The following DMD variants were observed in gnomAD, a reference collection of about 807,000 sequenced individuals.
DMD encodes the protein mutant dystrophin.
In DMD, 63 loss-of-function variants were observed where a neutral mutation model predicts 330.1. The observed-to-expected ratio is 0.19, with a 90% CI of 0.16 to 0.24. DMD has a LOEUF of 0.24. Among genes scored for constraint, DMD ranks in the 10% least tolerant of loss-of-function variants. The probability of loss-of-function intolerance (pLI) is 1.00; values close to 1 mark genes in which losing one functional copy is unlikely to be tolerated. For missense variants in DMD, 3,344 were observed against 2,684.1 expected, an observed-to-expected ratio of 1.25 and a Z score of -5.43; for synonymous variants, 1,223 against 959.8, an observed-to-expected ratio of 1.27 and a Z score of -5.07.
rs997336875 is a variant in DMD, at chrX:31,635,053, G to T, written c.8028-7191C>A. Among the ~76,000 whole-genome samples, 18 of 111,324 alleles carry T rather than the reference G, an allele frequency of 1.6e-4. No homozygotes were observed. The Admixed American group carries it at 1.6e-3, about 10-fold the overall frequency. ...GTTGAAATATAATGTTGGGAGTAAT[G>T]AATTACATTTGGTTTGGTTAATATA... On this transcript the variant is annotated intron_variant, in intron 54 of 78. Transcript: ENST00000357033.
intron 52 of DMD, among the ~76,000 whole-genome samples, chrX:31,709,851 A>C (rs2084501740): frequency 9.0e-6 from 1 of 111,080 alleles, no homozygotes; most frequent in Non-Finnish European, 1.9e-5. Flanking sequence ...CTCTACTTTG[A>C]TATCTCTTTA....
chrX:33,210,427 T>A (rs770071967), intron 1 of DMD, among the ~76,000 whole-genome samples: 1 of 111,424 alleles, frequency 9.0e-6, no homozygotes, highest in South Asian at 3.7e-4. Flanking sequence ...TGTGCCACAG[T>A]CCATTTTTAA....
At chrX:31,481,562 A>T (rs1279171615) in intron 57 of DMD, among the ~76,000 whole-genome samples, 1 of 112,024 alleles carries the variant, frequency 8.9e-6, no homozygotes, top group Non-Finnish European at 1.9e-5. Context: ...TAGGTTGAGT[A>T]GATGAGCAAA....
chrX:33,008,998 A>G (rs1185568856), intron 2 of DMD, among the ~76,000 whole-genome samples: 7 of 99,525 alleles, frequency 7.0e-5, no homozygotes, highest in Non-Finnish European at 1.4e-4. Flanking sequence ...ATACGTGTGT[A>G]TATATACACA....
chrX:31,866,825 G>T (rs1308228273), intron 48 of DMD, among the ~76,000 whole-genome samples: 1 of 111,644 alleles, frequency 9.0e-6, no homozygotes, highest in African/African-American at 3.3e-5. Context: ...AAATGAGGAA[G>T]AGGAAGGTAT....
intron 48 of DMD, among the ~76,000 whole-genome samples, chrX:31,859,463 A>C (rs900415216): frequency 8.9e-6 from 1 of 112,283 alleles, no homozygotes; most frequent in Non-Finnish European, 1.9e-5. Context: ...CTGCATATTT[A>C]TTGTATGCAT....
chrX:32,659,691 T>C (rs974946324), intron 9 of DMD, among the ~76,000 whole-genome samples: 6 of 111,149 alleles, frequency 5.4e-5, no homozygotes, highest in Non-Finnish European at 1.1e-4. Context: ...TTTTACCTTA[T>C]ACTGATATGA....
At chrX:32,546,552 A>T (rs2048981581) in intron 16 of DMD, among the ~76,000 whole-genome samples, 1 of 111,666 alleles carries the variant, frequency 9.0e-6, no homozygotes. Context: ...CAGTGAAGGA[A>T]TAAAATCTTT....
chrX:32,482,769 G>A (rs1188532268), intron 21 of DMD, among the ~76,000 whole-genome samples: 1 of 111,086 alleles, frequency 9.0e-6, no homozygotes, highest in African/African-American at 3.3e-5. Context: ...TATGCATAGA[G>A]TAAAAAGTGC....
chrX:33,329,895 T>C (rs1490229935), intron 1 of DMD, among the ~76,000 whole-genome samples: 1 of 111,550 alleles, frequency 9.0e-6, no homozygotes, highest in Non-Finnish European at 1.9e-5. Context: ...CTTTTATATA[T>C]TCGTGTTATA....
chrX:32,333,787 A>G lies in DMD; in HGVS notation c.5922+8313T>C, dbSNP rs141546222. ...GGGGTTTTATTTTCACCTCTATATT[A>G]TGTGTTGTTGAAGGTCACATATTTT... On this transcript the variant is annotated intron_variant, in intron 41 of 78. Transcript: ENST00000357033. Among the ~76,000 whole-genome samples the G allele has an allele frequency of 3.8e-3, 417 of 110,496 alleles. 16 individuals are homozygous for G. The East Asian group carries it at 0.1, about 28-fold the overall frequency.
intron 62 of DMD, among the ~76,000 whole-genome samples, chrX:31,265,245 T>C (rs1261031288): frequency 8.9e-6 from 1 of 112,458 alleles, no homozygotes; most frequent in Non-Finnish European, 1.9e-5. Flanking sequence ...ATCAGACTCT[T>C]TTTCTAGAGG....
intron 1 of DMD, among the ~76,000 whole-genome samples, chrX:33,273,904 C>G (rs934902380): frequency 5.4e-5 from 6 of 112,122 alleles, no homozygotes; most frequent in Non-Finnish European, 3.8e-5. Context: ...AATATTGCCT[C>G]ACAATACCAC....
chrX:31,373,886 C>T (rs1193246442), intron 60 of DMD, among the ~76,000 whole-genome samples: 1 of 109,163 alleles, frequency 9.2e-6, no homozygotes, highest in Non-Finnish European at 1.9e-5. Flanking sequence ...AACAGGCAAC[C>T]TACAAAATGG....
At chrX:32,883,451 T>C (rs1031211648) in intron 2 of DMD, among the ~76,000 whole-genome samples, 2 of 111,346 alleles carry the variant, frequency 1.8e-5, no homozygotes, top group Non-Finnish European at 3.8e-5. Context: ...CCCTTTAACT[T>C]TGGAATTTTC....
At chrX:32,731,547 G>C (rs893617290) in intron 7 of DMD, among the ~76,000 whole-genome samples, 1 of 112,393 alleles carries the variant, frequency 8.9e-6, no homozygotes, top group Non-Finnish European at 1.9e-5. Flanking sequence ...GGTTCTCCCA[G>C]TACGCAGCTG....
At chrX:31,676,816 T>C (rs1029276352) in intron 53 of DMD, among the ~76,000 whole-genome samples, 2 of 112,572 alleles carry the variant, frequency 1.8e-5, no homozygotes, top group African/African-American at 6.5e-5. Flanking sequence ...AGCATACTTT[T>C]TGACACACAG....
chrX:32,593,016 G>A (rs1242675472), intron 13 of DMD, among the ~76,000 whole-genome samples: 2 of 112,806 alleles, frequency 1.8e-5, no homozygotes, highest in African/African-American at 6.4e-5. Flanking sequence ...ATGCTCGCTT[G>A]CTCACATACC....
chrX:33,298,248 C>T (rs778062422), intron 1 of DMD, among the ~76,000 whole-genome samples: 93 of 111,196 alleles, frequency 8.4e-4, no homozygotes, highest in Middle Eastern at 4.6e-3. Flanking sequence ...TTAATAATCC[C>T]ATTTCATCCA....
Sources: allele counts gnomAD v4.1 joint callset (sites outside exome capture counted in the v4.1 genomes callset), GRCh38; gene constraint gnomAD v4.1.1; transcripts MANE v1.5; gene names NCBI Gene and HGNC (gene_info 2026-07-23, HGNC 2026-07-21).